Variants in COL23A1 observed in about 807,000 individuals in gnomAD.
The protein encoded by COL23A1 is collagen type XXIII alpha 1 chain.
A neutral mutation model predicts 99.3 loss-of-function variants in COL23A1; 97 were observed. That is an observed-to-expected ratio of 0.98 (90% confidence interval 0.83 to 1.16). COL23A1 has a LOEUF of 1.16. COL23A1 is among the 50% of genes most tolerant of loss of function. COL23A1 has a pLI of 0.00. For synonymous variants in COL23A1, 320 were observed against 308.2 expected, an observed-to-expected ratio of 1.04 and a Z score of -0.40; for missense variants, 762 against 757.4, an observed-to-expected ratio of 1.01 and a Z score of -0.07.
intron 2 of COL23A1, among the ~76,000 whole-genome samples, chr5:178,518,131 A>G (rs1256553772): frequency 7.4e-6 from 1 of 135,848 alleles, no homozygotes; most frequent in African/African-American, 3.0e-5. Context: ...GCATCTGTTT[A>G]ACAAAGCACA....
chr5:178,337,098 G>T (rs1760372714), intron 2 of COL23A1, among the ~76,000 whole-genome samples: 1 of 152,262 alleles, frequency 6.6e-6, no homozygotes, highest in Non-Finnish European at 1.5e-5. Flanking sequence ...AGGGGGGCCT[G>T]CGGAGGACAT....
At chr5:178,338,277 G>A (rs997215326) in intron 2 of COL23A1, among the ~76,000 whole-genome samples, 10 of 152,356 alleles carry the variant, frequency 6.6e-5, no homozygotes, top group African/African-American at 2.4e-4. Context: ...GACGGTGTCA[G>A]TCTCAGGGCC....
At chr5:178,495,672 G>A (rs1758159697) in intron 2 of COL23A1, among the ~76,000 whole-genome samples, 1 of 152,078 alleles carries the variant, frequency 6.6e-6, no homozygotes, top group South Asian at 2.1e-4. Flanking sequence ...AGTGGGAAGG[G>A]GGAGGAAGGA....
chr5:178,374,566 G>A (rs964390056), intron 2 of COL23A1, among the ~76,000 whole-genome samples: 6 of 152,196 alleles, frequency 3.9e-5, no homozygotes, highest in East Asian at 3.8e-4. Flanking sequence ...TTCCTCATCC[G>A]TGAAATGAGA....
At chr5:178,354,243 C>T (rs539985604) in intron 2 of COL23A1, among the ~76,000 whole-genome samples, 5 of 152,190 alleles carry the variant, frequency 3.3e-5, no homozygotes, top group Non-Finnish European at 5.9e-5. Flanking sequence ...TAGGGTCTTC[C>T]TATGTTGCCC....
chr5:178,243,693 C>T (rs1764530094), intron 25 of COL23A1, among the ~76,000 whole-genome samples: 1 of 152,058 alleles, frequency 6.6e-6, no homozygotes, highest in Non-Finnish European at 1.5e-5. Flanking sequence ...GCACGGTCCT[C>T]ATTATAGTTG....
intron 2 of COL23A1, among the ~76,000 whole-genome samples, chr5:178,412,066 G>C (rs184282567): frequency 2.6e-5 from 4 of 152,304 alleles, no homozygotes; most frequent in Admixed American, 1.3e-4. Context: ...ATGAATGTAC[G>C]TGTAACTGTA....
At chr5:178,394,674 G>A (rs371446866) in intron 2 of COL23A1, among the ~76,000 whole-genome samples, 1 of 152,180 alleles carries the variant, frequency 6.6e-6, no homozygotes, top group Admixed American at 6.5e-5. Context: ...ACACGCAGAG[G>A]GGACTGCTGA....
intron 2 of COL23A1, among the ~76,000 whole-genome samples, chr5:178,530,068 G>A (rs1760557265): frequency 6.6e-6 from 1 of 152,190 alleles, no homozygotes; most frequent in Admixed American, 6.5e-5. Context: ...CTGGAATAGT[G>A]AAAATCAGCG....
chr5:178,363,744 TAG>T (rs755916318), intron 2 of COL23A1, among the ~76,000 whole-genome samples: 5 of 152,224 alleles, frequency 3.3e-5, no homozygotes, highest in African/African-American at 1.2e-4. Flanking sequence ...CTCACTGCGC[TAG>T]AGTTTCCCGA....
At chr5:178,509,259 T>C (rs899704634) in intron 2 of COL23A1, among the ~76,000 whole-genome samples, 7 of 151,048 alleles carry the variant, frequency 4.6e-5, no homozygotes, top group Non-Finnish European at 1.0e-4. Context: ...TCTCACTCTG[T>C]TGCCCAGGCT....
At chr5:178,293,455 C>T (rs1393930000) in intron 3 of COL23A1, among the ~76,000 whole-genome samples, 1 of 152,112 alleles carries the variant, frequency 6.6e-6, no homozygotes, top group Non-Finnish European at 1.5e-5. Flanking sequence ...AGGCCGTCAG[C>T]CTCAGGTGAT....
At chr5:178,358,771 GTGTA>G (rs1561899356) in intron 2 of COL23A1, among the ~76,000 whole-genome samples, 2 of 120,436 alleles carry the variant, frequency 1.7e-5, no homozygotes, top group South Asian at 2.9e-4. Context: ...GTGTATGTGT[GTGTA>G]TGTGTATGTG....
intron 2 of COL23A1, among the ~76,000 whole-genome samples, chr5:178,539,885 TC>T: frequency 6.6e-6 from 1 of 152,284 alleles, no homozygotes; most frequent in South Asian, 2.1e-4. Context: ...GCAAATTGAA[TC>T]CAGCAACATA....
rs775614473 is a variant in COL23A1 at position 178,310,125 on chromosome 5, C to T, written c.362-3206G>A. On this transcript the variant is annotated intron_variant, in intron 2 of 28. Transcript: ENST00000390654. The surrounding 1 kb of genome is among the most constrained non-coding windows in gnomAD (Gnocchi z 4.3). ...GGAGTGCCTTCCACCCTTCCTTTCCCGGACTGCGAGAAGACAGGCGGTGAG... is the reference window on the plus strand; with the variant it reads ...GGAGTGCCTTCCACCCTTCCTTTCCTGGACTGCGAGAAGACAGGCGGTGAG... Among the ~76,000 whole-genome samples, 6 of 152,326 alleles carry T rather than the reference C, an allele frequency of 3.9e-5. No homozygotes were observed. The highest frequency in any genetic ancestry group is 1.9e-4 in the East Asian group (1 of 5,178).
intron 4 of COL23A1, among the ~76,000 whole-genome samples, chr5:178,289,473 C>A (rs1757333160): frequency 6.6e-6 from 1 of 152,178 alleles, no homozygotes; most frequent in Non-Finnish European, 1.5e-5. Context: ...CCTTCACACC[C>A]CTCACAAATG....
chr5:178,307,734 C>T lies in COL23A1; in HGVS notation c.362-815G>A, dbSNP rs1758440950. On this transcript the variant is annotated intron_variant, in intron 2 of 28. Transcript: ENST00000390654. This position sits in a 1 kb window ranked among gnomAD's most constrained non-coding sequence, Gnocchi z 4.2. ...GCTCACTGCCATCCTTCCTGGCGCC[C>T]CTTCTCGCCCCTGTTTCAGTGAAGT... 6.6e-6 allele frequency among the ~76,000 whole-genome samples: 1 copy of T among 152,250 alleles called. No individual in the cohort carries two copies. The highest frequency in any genetic ancestry group is 2.1e-4 in the South Asian group (1 of 4,836).
At chr5:178,440,581 G>A (rs1193987768) in intron 2 of COL23A1, among the ~76,000 whole-genome samples, 2 of 151,636 alleles carry the variant, frequency 1.3e-5, no homozygotes, top group African/African-American at 4.9e-5. Context: ...TATACAGTAA[G>A]TACCTTATTT....
At chr5:178,559,883 C>T (rs562119708) in intron 2 of COL23A1, among the ~76,000 whole-genome samples, 2 of 151,772 alleles carry the variant, frequency 1.3e-5, no homozygotes, top group African/African-American at 2.4e-5. Flanking sequence ...CCCTGCACGT[C>T]GAGAAGTCTG....
Sources: gnomAD v4.1 joint callset for allele counts (sites outside exome capture counted in the v4.1 genomes callset) on GRCh38, gnomAD v4.1.1 for gene constraint, Gnocchi (gnomAD v3.1) non-coding constraint, MANE v1.5 for transcripts, NCBI Gene and HGNC (gene_info 2026-07-23, HGNC 2026-07-21) for gene names.